Variants in MICU1 observed in about 807,000 individuals in gnomAD.
MICU1 encodes mitochondrial calcium uptake 1.
A neutral mutation model predicts 56.8 loss-of-function variants in MICU1; 45 were observed. That is an observed-to-expected ratio of 0.79 (90% CI 0.62 to 1.02). The LOEUF (loss-of-function observed/expected upper bound fraction) is 1.02. MICU1 is among the 50% of genes least tolerant of loss of function. MICU1 has a pLI of 0.00. For synonymous variants in MICU1, 186 were observed against 195.1 expected (o/e 0.95, Z 0.39); for missense variants, 504 against 587.1 (o/e 0.86, Z 1.46).
chr10:72,538,560 T>G (rs1187550398), intron 4 of MICU1, among the ~76,000 whole-genome samples: 2 of 152,066 alleles, frequency 1.3e-5, no homozygotes. Flanking sequence ...AGCCTCACGG[T>G]AGCCACAAAG....
chr10:72,550,987 C>G (rs1840021174), intron 4 of MICU1, among the ~76,000 whole-genome samples, 192 bp downstream of exon 4: 1 of 152,170 alleles, frequency 6.6e-6, no homozygotes, highest in African/African-American at 2.4e-5. Flanking sequence ...ACCCTGGTTG[C>G]AGATTGCCAC....
At chr10:72,578,235 G>A (rs1406761629) in intron 1 of MICU1, among the ~76,000 whole-genome samples, 1 of 151,998 alleles carries the variant, frequency 6.6e-6, no homozygotes, top group Non-Finnish European at 1.5e-5. Flanking sequence ...TAAAGGCTCA[G>A]ATGATTGTTA....
At chr10:72,580,141 T>C (rs895762148) in intron 1 of MICU1, among the ~76,000 whole-genome samples, 30 of 152,200 alleles carry the variant, frequency 2.0e-4, no homozygotes, top group African/African-American at 7.0e-4. Flanking sequence ...ACTGGAATAT[T>C]AAGTTATATT....
intron 6 of MICU1, among the ~76,000 whole-genome samples, chr10:72,484,942 C>T (rs1001350067): frequency 6.6e-6 from 1 of 152,100 alleles, no homozygotes; most frequent in African/African-American, 2.4e-5. Flanking sequence ...TGGTAACCTG[C>T]TAGCTAGCTA....
intron 2 of MICU1, among the ~76,000 whole-genome samples, chr10:72,564,145 G>A (rs1290225706): frequency 2.0e-5 from 3 of 152,140 alleles, no homozygotes; most frequent in African/African-American, 4.8e-5. Context: ...TGGAGCAAAC[G>A]ATAATAGATC....
intron 6 of MICU1, among the ~76,000 whole-genome samples, chr10:72,496,969 C>A (rs1866866275): frequency 6.6e-6 from 1 of 152,200 alleles, no homozygotes; most frequent in Non-Finnish European, 1.5e-5. Context: ...CCAAAACAGG[C>A]AGTATCAGGC....
intron 8 of MICU1, among the ~76,000 whole-genome samples, chr10:72,455,062 G>A (rs1173627192): frequency 2.6e-5 from 4 of 151,618 alleles, no homozygotes; most frequent in Admixed American, 6.6e-5. Flanking sequence ...TTAAAAGATC[G>A]AAGTTCGGCC....
chr10:72,577,126 T>TAA (rs1464321165), intron 1 of MICU1, among the ~76,000 whole-genome samples: 2 of 152,048 alleles, frequency 1.3e-5, no homozygotes, highest in Non-Finnish European at 2.9e-5. Context: ...AAGTGGGAGC[T>TAA]AAGCTATGAG....
intron 9 of MICU1, among the ~76,000 whole-genome samples, chr10:72,411,241 T>C (rs1246819093): frequency 1.3e-5 from 2 of 152,060 alleles, no homozygotes; most frequent in East Asian, 1.9e-4. Context: ...AGTTCCGGTT[T>C]GGGAAGGTGA....
At position 72,420,206 on chromosome 10, in the gene MICU1, T is replaced by G. The variant is rs1589196976; in HGVS notation, c.1071+3028A>C. On this transcript the variant is annotated intron_variant, in intron 9 of 11. Transcript: ENST00000361114. ...TCCTGAGTAGCTAGGATTACAGGCA[T>G]GCACCACCACGCCGGGCTAACTTTT... is the stretch of plus-strand genomic sequence containing the variant. 2.0e-5 allele frequency among the ~76,000 whole-genome samples: 3 copies of G among 152,100 alleles called. No individual in the cohort carries two copies. In the South Asian group the frequency reaches 6.2e-4, roughly 32 times the overall value.
chr10:72,508,191 A>G lies in MICU1; in HGVS notation c.616T>C (p.Phe206Leu). Reference sequence around the variant, plus strand: ...GTTGTGAGGAAAATGTAGTCTGAAAAGGATATGAGCCCACATTCTCCAAGG... The same window carrying G: ...GTTGTGAGGAAAATGTAGTCTGAAAGGGATATGAGCCCACATTCTCCAAGG... Reference protein sequence around the residue: ...YTLGECGLISFSDYIFLTTVL... With the variant: ...YTLGECGLISLSDYIFLTTVL... The change falls in exon 6 of 12, where the codon TTT becomes CTT. Residue 206 changes from phenylalanine to leucine, a missense_variant. Physicochemically the swap from Phe to Leu is conservative, Grantham distance 22. Coordinates refer to ENST00000361114, the MANE Select transcript of MICU1 (RefSeq NM_001195518.2). The G allele has an allele frequency of 6.5e-7, 1 of 1,542,050 alleles. No individual in the cohort carries two copies.
chr10:72,536,553 G>A (rs1456851136), intron 4 of MICU1, among the ~76,000 whole-genome samples: 3 of 151,532 alleles, frequency 2.0e-5, no homozygotes, highest in Non-Finnish European at 4.4e-5. Context: ...GGGTTTCACC[G>A]TGTTAGTCAG....
rs376308710 is a variant in MICU1 at position 72,563,014 on chromosome 10, C to T, written c.211G>A (p.Gly71Ser). 3.7e-6 allele frequency: 6 copies of T among 1,604,132 alleles called. No individual in the cohort carries two copies. The highest frequency in any genetic ancestry group is 4.3e-6 in the Non-Finnish European group (5 of 1,175,700). Residue 71 changes from glycine to serine, a missense_variant, in exon 3 of 12, where the codon GGT (glycine) becomes AGT (serine). Transcript: ENST00000361114. ...PCVDNLKSDIGDKGKNKDEGD... is the reference protein window; with the variant it reads ...PCVDNLKSDISDKGKNKDEGD... ...TCATCTTTATTCTTCCCTTTATCACCGATGTCACTTTTTAGGTTGTCTACA... is the reference window on the plus strand; with the variant it reads ...TCATCTTTATTCTTCCCTTTATCACTGATGTCACTTTTTAGGTTGTCTACA...
intron 5 of MICU1, among the ~76,000 whole-genome samples, chr10:72,515,350 A>C (rs1004115090): frequency 3.9e-5 from 6 of 152,044 alleles, no homozygotes; most frequent in East Asian, 1.9e-4. Context: ...TAATGGCGGG[A>C]TGTGGTTTTG....
intron 8 of MICU1, among the ~76,000 whole-genome samples, chr10:72,438,306 A>C (rs1420371131): frequency 1.3e-5 from 2 of 152,186 alleles, no homozygotes; most frequent in South Asian, 4.1e-4. Flanking sequence ...CTACTGGGTA[A>C]ATAACGAAAT....
intron 1 of MICU1, among the ~76,000 whole-genome samples, chr10:72,610,602 C>G (rs1035535784): frequency 2.6e-5 from 4 of 152,174 alleles, no homozygotes; most frequent in Non-Finnish European, 5.9e-5. Flanking sequence ...GTAGCTACAG[C>G]TTTGGGAAAC....
chr10:72,550,311 G>A (rs972256344), intron 4 of MICU1, among the ~76,000 whole-genome samples: 2 of 152,044 alleles, frequency 1.3e-5, no homozygotes, highest in African/African-American at 4.8e-5. Context: ...ATGCCATACA[G>A]GTTTATAGTC....
At chr10:72,420,067 C>CT (rs959626559) in intron 9 of MICU1, among the ~76,000 whole-genome samples, 22 of 151,716 alleles carry the variant, frequency 1.5e-4, no homozygotes, top group African/African-American at 3.9e-4. Flanking sequence ...GTGTCTTTTC[C>CT]TTTTTTTTTA....
At chr10:72,501,628 A>G (rs889416001) in intron 6 of MICU1, 3 of 151,860 alleles carry the variant, frequency 2.0e-5, no homozygotes, top group Non-Finnish European at 4.4e-5. Context: ...TTAAATAGTG[A>G]TATGTGCCAA....
Sources: gnomAD v4.1 joint callset for allele counts (sites outside exome capture counted in the v4.1 genomes callset) on GRCh38, gnomAD v4.1.1 for gene constraint, MANE v1.5 for transcripts, NCBI Gene and HGNC (gene_info 2026-07-23, HGNC 2026-07-21) for gene names.